PPP1R13B: variants seen among roughly 807,000 people sequenced by gnomAD.
PPP1R13B encodes apoptosis-stimulating of p53 protein 1.
PPP1R13B carries 44 observed loss-of-function variants against 119.8 expected under a neutral mutation model. The ratio of observed to expected loss-of-function variants is 0.37; its 90% CI spans 0.29 to 0.47. The LOEUF is 0.47. PPP1R13B is among the 20% of genes least tolerant of loss of function. The pLI is 0.99. For synonymous variants in PPP1R13B, 542 were observed against 561.5 expected (o/e 0.97, Z 0.49); for missense variants, 1,227 against 1,413.5 (o/e 0.87, Z 2.12).
At chr14:103,748,066 TAC>T (rs58398068) in intron 8 of PPP1R13B, among the ~76,000 whole-genome samples, 21,296 of 137,924 alleles carry the variant, frequency 0.15, 1,794 homozygotes, top group East Asian at 0.23. Flanking sequence ...TTAAATCACA[TAC>T]ACACACACAC....
intron 1 of PPP1R13B, among the ~76,000 whole-genome samples, chr14:103,813,199 C>T (rs1211984111): frequency 6.6e-6 from 1 of 151,934 alleles, no homozygotes; most frequent in Non-Finnish European, 1.5e-5. Context: ...GTACATAATA[C>T]TGCTGGAATA....
At position 103,757,716 on chromosome 14, in the gene PPP1R13B, C is replaced by G; in HGVS notation, c.390G>C (p.Glu130Asp). ...GNPRVELTLS[E>D]LQDMAARQQQ... ...GTTGCCTAGCTGCCATATCTTGGAG[C>G]TCTGAGAGGGTAAGTTCAACACGTG... The change falls in exon 5 of 17, where the codon GAG (glutamate) becomes GAC (aspartate). Residue 130 changes from glutamate (E) to aspartate (D), a missense_variant. Transcript: ENST00000202556. 6.2e-7 allele frequency: 1 copy of G among 1,614,076 alleles called. No homozygotes were observed. The highest frequency in any genetic ancestry group is 8.5e-7 in the Non-Finnish European group (1 of 1,179,974).
At chr14:103,804,045 A>G in intron 1 of PPP1R13B, 1 of 984,370 alleles carries the variant, frequency 1.0e-6, no homozygotes, top group Non-Finnish European at 1.2e-6. Flanking sequence ...TCTGTGACTC[A>G]TTACCTGGTC....
intron 4 of PPP1R13B, among the ~76,000 whole-genome samples, chr14:103,776,186 G>GAGGGAGGAAGGAAGGAAGGAAGGA (rs1397618597): frequency 1.3e-4 from 10 of 76,012 alleles, no homozygotes; most frequent in East Asian, 3.6e-4. Flanking sequence ...GGGAGGGAGG[G>GAGGGAGGAAGGAAGGAAGGAAGGA]AGGAAGGAAG....
chr14:103,739,224 C>G, intron 12 of PPP1R13B: 2 of 625,584 alleles, frequency 3.2e-6, no homozygotes, highest in South Asian at 5.0e-5. Context: ...AAGGGAGAGC[C>G]CTGTCTGAGG....
chr14:103,767,630 A>G (rs926149687), intron 4 of PPP1R13B, among the ~76,000 whole-genome samples: 15 of 152,002 alleles, frequency 9.9e-5, no homozygotes, highest in African/African-American at 3.4e-4. Context: ...CTGAGCTCTT[A>G]GCATGGTGAA....
At chr14:103,767,500 C>T (rs1017320730) in intron 4 of PPP1R13B, among the ~76,000 whole-genome samples, 5 of 152,046 alleles carry the variant, frequency 3.3e-5, no homozygotes, top group East Asian at 3.9e-4. Context: ...TCACAAGGCT[C>T]GTCTCCAGTC....
intron 1 of PPP1R13B, among the ~76,000 whole-genome samples, chr14:103,822,343 C>T (rs2086430395): frequency 6.6e-6 from 1 of 152,058 alleles, no homozygotes; most frequent in Non-Finnish European, 1.5e-5. Flanking sequence ...CCGTGTTGAC[C>T]AGGCTGGTGT....
chr14:103,806,413 A>C (rs1444838278), intron 1 of PPP1R13B, among the ~76,000 whole-genome samples: 1 of 152,196 alleles, frequency 6.6e-6, no homozygotes, highest in African/African-American at 2.4e-5. Context: ...AAGCTATACT[A>C]AATTTTAGTA....
intron 1 of PPP1R13B, among the ~76,000 whole-genome samples, chr14:103,828,466 CTCATTCAT>C (rs1161403754): frequency 6.6e-5 from 10 of 151,840 alleles, no homozygotes; most frequent in Non-Finnish European, 7.4e-5. Flanking sequence ...TACAGGATCA[CTCATTCAT>C]TCATTTAGGA....
chr14:103,809,164 T>C (rs1487145814), intron 1 of PPP1R13B, among the ~76,000 whole-genome samples: 2 of 152,126 alleles, frequency 1.3e-5, no homozygotes, highest in Admixed American at 1.3e-4. Flanking sequence ...CCTAGACATA[T>C]TTAAATATCT....
chr14:103,806,166 G>C (rs2086012520), intron 1 of PPP1R13B, among the ~76,000 whole-genome samples: 1 of 152,188 alleles, frequency 6.6e-6, no homozygotes, highest in Admixed American at 6.5e-5. Context: ...ATTGACTGCT[G>C]CAACTGGCTG....
At chr14:103,828,539 C>T (rs1405512987) in intron 1 of PPP1R13B, among the ~76,000 whole-genome samples, 1 of 152,148 alleles carries the variant, frequency 6.6e-6, no homozygotes, top group Non-Finnish European at 1.5e-5. Flanking sequence ...AACTTCTGCC[C>T]TCACTAAACT....
intron 4 of PPP1R13B, among the ~76,000 whole-genome samples, chr14:103,760,840 A>G (rs2084786902): frequency 6.6e-6 from 1 of 152,200 alleles, no homozygotes; most frequent in African/African-American, 2.4e-5. Context: ...AGTTTTTATT[A>G]TCACTTATCT....
At chr14:103,843,692 C>T (rs1046636457) in intron 1 of PPP1R13B, among the ~76,000 whole-genome samples, 2 of 152,306 alleles carry the variant, frequency 1.3e-5, no homozygotes, top group Admixed American at 6.5e-5. Context: ...CAGTGGCATA[C>T]GCCTGTTATC....
intron 1 of PPP1R13B, among the ~76,000 whole-genome samples, chr14:103,845,349 T>C (rs952374660): frequency 6.6e-6 from 1 of 152,206 alleles, no homozygotes; most frequent in African/African-American, 2.4e-5. Context: ...AAGTAGTATT[T>C]TTAGGGATCA....
At chr14:103,805,866 G>A (rs1017836097) in intron 1 of PPP1R13B, among the ~76,000 whole-genome samples, 1 of 152,152 alleles carries the variant, frequency 6.6e-6, no homozygotes, top group Admixed American at 6.6e-5. Flanking sequence ...GCCTAGGACT[G>A]GGGATGGGAA....
chr14:103,771,025 C>A (rs58893021), intron 4 of PPP1R13B, among the ~76,000 whole-genome samples: 2 of 152,054 alleles, frequency 1.3e-5, no homozygotes, highest in South Asian at 2.1e-4. Context: ...GTCCAGGATG[C>A]GAAGACCTAC....
At position 103,740,661 on chromosome 14, in the gene PPP1R13B, T is replaced by C; in HGVS notation, c.1823-68A>G. Reference sequence around the variant, plus strand: ...GAGATCTAGTCATACACACCTATGATTACACCAGAGACAGGCTCCTGCAAA... The same window carrying C: ...GAGATCTAGTCATACACACCTATGACTACACCAGAGACAGGCTCCTGCAAA... On this transcript the variant is annotated intron_variant, in intron 11 of 16. Coordinates refer to ENST00000202556, the MANE Select transcript of PPP1R13B (RefSeq NM_015316.3). This position sits in a 1 kb window ranked among gnomAD's most constrained non-coding sequence, Gnocchi z 4.6. The C allele has an allele frequency of 8.4e-6, 11 of 1,304,288 alleles. No individual in the cohort carries two copies. The highest frequency in any genetic ancestry group is 1.1e-5 in the Non-Finnish European group (11 of 994,062). The allele number at this position is 1,304,288 out of a possible 1,614,324, so 80.8% of individuals were successfully genotyped here.
Sources: gnomAD v4.1 joint callset for allele counts (sites outside exome capture counted in the v4.1 genomes callset) on GRCh38, gnomAD v4.1.1 for gene constraint, Gnocchi (gnomAD v3.1) non-coding constraint, MANE v1.5 for transcripts, NCBI Gene and HGNC (gene_info 2026-07-23, HGNC 2026-07-21) for gene names.